Variants in SH3PXD2A observed in about 807,000 individuals in gnomAD.
SH3PXD2A encodes the protein SH3 and PX domain-containing protein 2A.
In SH3PXD2A, 32 loss-of-function variants were observed where a neutral mutation model predicts 115.2. The observed-to-expected ratio is 0.28, with a 90% CI of 0.21 to 0.37. The LOEUF is 0.37. SH3PXD2A is among the 10% of genes least tolerant of loss of function. The pLI is 1.00. For missense variants in SH3PXD2A, 1,328 were observed against 1,498.7 expected (o/e 0.89, Z 1.88); for synonymous variants, 610 against 629.1 (o/e 0.97, Z 0.45).
At chr10:103,774,488 A>G (rs2038860005) in intron 2 of SH3PXD2A, among the ~76,000 whole-genome samples, 1 of 152,182 alleles carries the variant, frequency 6.6e-6, no homozygotes, top group African/African-American at 2.4e-5. Flanking sequence ...ACTGTTTGAA[A>G]GTCGTTCAAC....
chr10:103,802,878 T>C (rs2039160801), intron 1 of SH3PXD2A, among the ~76,000 whole-genome samples: 1 of 152,154 alleles, frequency 6.6e-6, no homozygotes, highest in African/African-American at 2.4e-5. Flanking sequence ...TGTAGGTCTG[T>C]AGGGGTGGGG....
At chr10:103,741,884 C>T (rs2038447510) in intron 3 of SH3PXD2A, among the ~76,000 whole-genome samples, 1 of 152,194 alleles carries the variant, frequency 6.6e-6, no homozygotes. Flanking sequence ...GTGGCTCATG[C>T]CTGTAATCCC....
intron 10 of SH3PXD2A, among the ~76,000 whole-genome samples, chr10:103,621,673 T>A (rs549837726): frequency 1.3e-5 from 2 of 152,222 alleles, no homozygotes; most frequent in Non-Finnish European, 2.9e-5. Flanking sequence ...CCCAGGGGAC[T>A]GCAGATGTTT....
At chr10:103,650,008 G>A (rs1050718810) in intron 8 of SH3PXD2A, among the ~76,000 whole-genome samples, 12 of 152,242 alleles carry the variant, frequency 7.9e-5, no homozygotes, top group African/African-American at 2.9e-4. Context: ...GGGGGAGTTT[G>A]CATTCTCCAG....
chr10:103,758,292 C>T (rs1183275992), intron 3 of SH3PXD2A, among the ~76,000 whole-genome samples: 1 of 152,164 alleles, frequency 6.6e-6, no homozygotes, highest in African/African-American at 2.4e-5. Flanking sequence ...TTCTTGCTGT[C>T]CCCCCAAGCC....
At position 103,602,316 on chromosome 10, in the gene SH3PXD2A, T is replaced by G. The variant is rs762420881; in HGVS notation, c.2902A>C (p.Met968Leu). ...GCCACCTGCCGCACTCCGTTCCTCA[T>G]CTTCACCGCTGGAGTGCCTGAGGTC... ...GKTSGTPAVKMRNGVRQVAVR... is the reference protein window; with the variant it reads ...GKTSGTPAVKLRNGVRQVAVR... The change falls in exon 15 of 15, where the codon ATG becomes CTG. Residue 968 changes from methionine to leucine, a missense_variant. Physicochemically the swap from Met to Leu is conservative, Grantham distance 15. Coordinates refer to ENST00000369774, the MANE Select transcript of SH3PXD2A (RefSeq NM_001394015.1). 10 of 1,613,744 alleles carry G rather than the reference T, an allele frequency of 6.2e-6. No individual in the cohort carries two copies. Among genetic ancestry groups the G allele is most frequent in the Non-Finnish European group, 8.5e-6 (10 of 1,179,934 alleles).
At chr10:103,617,561 C>T (rs539457984) in intron 10 of SH3PXD2A, among the ~76,000 whole-genome samples, 2 of 152,238 alleles carry the variant, frequency 1.3e-5, no homozygotes, top group Non-Finnish European at 2.9e-5. Context: ...GGTTGTCAGG[C>T]AAGGCCCTGG....
At chr10:103,607,914 G>C (rs183614239) in intron 13 of SH3PXD2A, among the ~76,000 whole-genome samples, 1 of 151,646 alleles carries the variant, frequency 6.6e-6, no homozygotes, top group Non-Finnish European at 1.5e-5. Flanking sequence ...GATTGAGGTC[G>C]GTGCAAGATG....
chr10:103,811,728 C>T (rs1202233438), intron 1 of SH3PXD2A, among the ~76,000 whole-genome samples: 1 of 152,176 alleles, frequency 6.6e-6, no homozygotes, highest in South Asian at 2.1e-4. Context: ...ATACTGAGGC[C>T]GCCCATGAGG....
intron 3 of SH3PXD2A, among the ~76,000 whole-genome samples, chr10:103,739,097 T>C (rs1220490118): frequency 6.6e-6 from 1 of 152,176 alleles, no homozygotes; most frequent in African/African-American, 2.4e-5. Context: ...TAAGGAGCAC[T>C]GAGGCCTCCA....
At chr10:103,646,055 TGCC>T (rs2037031842) in intron 8 of SH3PXD2A, among the ~76,000 whole-genome samples, 1 of 152,220 alleles carries the variant, frequency 6.6e-6, no homozygotes, top group Admixed American at 6.5e-5. Flanking sequence ...TTTCGTTCCC[TGCC>T]TGACATATAG....
chr10:103,736,465 C>A (rs1249645506), intron 3 of SH3PXD2A, among the ~76,000 whole-genome samples: 1 of 152,246 alleles, frequency 6.6e-6, no homozygotes, highest in African/African-American at 2.4e-5. Context: ...CCCAAGCTGG[C>A]CACATTCAAT....
intron 8 of SH3PXD2A, among the ~76,000 whole-genome samples, chr10:103,630,022 C>A (rs911695174): frequency 6.6e-6 from 1 of 152,238 alleles, no homozygotes; most frequent in Non-Finnish European, 1.5e-5. Flanking sequence ...AATTCCCCTG[C>A]CTTTTGCCTG....
intron 1 of SH3PXD2A, among the ~76,000 whole-genome samples, chr10:103,819,785 T>C (rs2039359180): frequency 6.6e-6 from 1 of 151,692 alleles, no homozygotes; most frequent in Admixed American, 6.6e-5. Flanking sequence ...TGAAGCAGGC[T>C]TGGCAATGAG....
intron 5 of SH3PXD2A, among the ~76,000 whole-genome samples, chr10:103,712,443 C>T (rs371674276): frequency 9.9e-5 from 15 of 152,264 alleles, no homozygotes; most frequent in East Asian, 5.8e-4. Flanking sequence ...CTTCTAGAAC[C>T]GGTTTCCCTG....
At chr10:103,720,903 G>A (rs1348457399) in intron 5 of SH3PXD2A, among the ~76,000 whole-genome samples, 1 of 152,206 alleles carries the variant, frequency 6.6e-6, no homozygotes, top group Non-Finnish European at 1.5e-5. Flanking sequence ...GCCGGGCCCG[G>A]GGAGGGGGAG....
chr10:103,605,654 T>C, intron 14 of SH3PXD2A, 144 bp downstream of exon 14: 1 of 978,292 alleles, frequency 1.0e-6, no homozygotes, highest in East Asian at 2.4e-5. Context: ...GCCAGGCAGA[T>C]GCTCATCTTT....
At chr10:103,802,809 G>A (rs552122479) in intron 1 of SH3PXD2A, among the ~76,000 whole-genome samples, 4 of 152,304 alleles carry the variant, frequency 2.6e-5, no homozygotes, top group Admixed American at 6.5e-5. Flanking sequence ...ATCACCTGGG[G>A]CCGGGGGCAG....
At chr10:103,628,846 C>G (rs571926045) in intron 8 of SH3PXD2A, among the ~76,000 whole-genome samples, 126 of 152,344 alleles carry the variant, frequency 8.3e-4, no homozygotes, top group African/African-American at 2.9e-3. Flanking sequence ...TGGTCCAATT[C>G]CTGTACCTCC....
Sources: allele counts gnomAD v4.1 joint callset (sites outside exome capture counted in the v4.1 genomes callset), GRCh38; gene constraint gnomAD v4.1.1; transcripts MANE v1.5; gene names NCBI Gene and HGNC (gene_info 2026-07-23, HGNC 2026-07-21).